The following CCDC175 variants were observed in gnomAD, a reference collection of about 807,000 sequenced individuals.
The protein encoded by CCDC175 is coiled-coil domain containing 175, also known as coiled-coil domain-containing protein 175.
In CCDC175, 100 loss-of-function variants were observed where a neutral mutation model predicts 114.6. The observed-to-expected ratio is 0.87, with a 90% CI of 0.74 to 1.03. The LOEUF is 1.03. Among genes scored for constraint, CCDC175 ranks in the 50% least tolerant of loss-of-function variants. The pLI is 0.00. For synonymous variants in CCDC175, 306 were observed against 308.7 expected (o/e 0.99, Z 0.09); for missense variants, 880 against 917.8 (o/e 0.96, Z 0.53).
chr14:59,520,034 T>G (rs1893332899), intron 17 of CCDC175, among the ~76,000 whole-genome samples: 1 of 152,222 alleles, frequency 6.6e-6, no homozygotes, highest in African/African-American at 2.4e-5. Flanking sequence ...AGCCTTCAAG[T>G]TGCCCTGGCT....
intron 17 of CCDC175, among the ~76,000 whole-genome samples, chr14:59,516,243 T>C (rs1893078402): frequency 6.6e-6 from 1 of 151,878 alleles, no homozygotes; most frequent in Non-Finnish European, 1.5e-5. Context: ...CACCCTAACA[T>C]CACAATTAAA....
rs1595021768 is a variant in CCDC175, at chr14:59,536,636, G to A, written c.1623+1387C>T. On this transcript the variant is annotated intron_variant, in intron 13 of 19. Coordinates refer to ENST00000537690, the MANE Select transcript of CCDC175 (RefSeq NM_001164399.2). Reference sequence around the variant, plus strand: ...CTTCGTTTGTTCCCCGAGTTGCACCGGTTTCTGTTTCACCTCTTCCTATTT... The same window carrying A: ...CTTCGTTTGTTCCCCGAGTTGCACCAGTTTCTGTTTCACCTCTTCCTATTT... Among the ~76,000 whole-genome samples the A allele has an allele frequency of 2.0e-5, 3 of 151,568 alleles. 1 individual carries two copies. Among genetic ancestry groups the A allele is most frequent in the South Asian group, 4.2e-4 (2 of 4,804 alleles).
At position 59,575,017 on chromosome 14, in the gene CCDC175, G is replaced by A. The variant is rs1303200467; in HGVS notation, c.169C>T (p.Gln57Ter). Residue 57 changes from glutamine (Q) to a stop codon, truncating the protein, a stop_gained, in exon 2 of 20, where the codon CAA (glutamine) becomes TAA (stop). Coordinates refer to ENST00000537690, the MANE Select transcript of CCDC175 (RefSeq NM_001164399.2). LOFTEE classifies it high-confidence loss of function. ...TCATTACATTTAAAATAGTCACTTTGCAGTGATTGTTCTGAAAAAAAAATT... is the reference window on the plus strand; with the variant it reads ...TCATTACATTTAAAATAGTCACTTTACAGTGATTGTTCTGAAAAAAAAATT... ...EQLFVVEQSL[Q>*]SDYFKCNEEA... 3.3e-6 allele frequency: 5 copies of A among 1,493,588 alleles called. No homozygotes were observed. Among genetic ancestry groups the A allele is most frequent in the Non-Finnish European group, 4.5e-6 (5 of 1,120,326 alleles). 92.5% of individuals were successfully genotyped at this position (1,493,588 alleles called of 1,614,324 possible). A position where few individuals can be genotyped will look rare whatever the true frequency, so the allele number is the denominator to read the frequency against.
intron 16 of CCDC175, among the ~76,000 whole-genome samples, chr14:59,525,030 T>C (rs1013973216): frequency 6.6e-6 from 1 of 152,224 alleles, no homozygotes; most frequent in East Asian, 1.9e-4. Flanking sequence ...GTACCCTTAG[T>C]GGGGCTGGTT....
rs1191953189 is a variant in CCDC175, at chr14:59,545,299, G to A, written c.1036C>T (p.Leu346=). The change falls in exon 9 of 20, where the codon CTG becomes TTG. Residue 346 remains leucine, a splice_region_variant and synonymous_variant. Transcript: ENST00000537690. ...KNEFLNKIKQ[L]VETLHAARME... ...CGAGCAGCATGCAGTGTTTCAACCA[G>A]CTAGAGAAAAACAAAGGAGGTGAAT... 11 of 1,535,476 alleles carry A rather than the reference G, an allele frequency of 7.2e-6. No individual in the cohort carries two copies. Among genetic ancestry groups the A allele is most frequent in the African/African-American group, 1.4e-5 (1 of 72,978 alleles).
chr14:59,507,889 TC>T (rs1436971047), intron 19 of CCDC175, among the ~76,000 whole-genome samples: 1 of 152,206 alleles, frequency 6.6e-6, no homozygotes, highest in Non-Finnish European at 1.5e-5. Context: ...TGTGACCAAC[TC>T]AGCATTCCGC....
chr14:59,528,499 C>T (rs1161253596), intron 14 of CCDC175, among the ~76,000 whole-genome samples: 1 of 151,748 alleles, frequency 6.6e-6, no homozygotes, highest in Admixed American at 6.6e-5. Context: ...TTTCTACTTA[C>T]TTCGTCATAT....
intron 9 of CCDC175, 133 bp downstream of exon 9, chr14:59,545,030 T>C (rs1055016424): frequency 7.8e-6 from 7 of 901,412 alleles, no homozygotes; most frequent in African/African-American, 6.8e-5. Flanking sequence ...CCAGTAATGA[T>C]AGCAAATGTT....
At chr14:59,544,685 T>C (rs1256166004) in intron 9 of CCDC175, among the ~76,000 whole-genome samples, 1 of 152,178 alleles carries the variant, frequency 6.6e-6, no homozygotes, top group African/African-American at 2.4e-5. Flanking sequence ...AAAATTAAAA[T>C]TTAAAGTGCT....
At chr14:59,570,815 C>T (rs1328788087) in intron 3 of CCDC175, among the ~76,000 whole-genome samples, 2 of 152,308 alleles carry the variant, frequency 1.3e-5, no homozygotes, top group East Asian at 3.9e-4. Flanking sequence ...AATCTTGGCT[C>T]ACTGCAACCT....
At position 59,538,786 on chromosome 14, in the gene CCDC175, T is replaced by A; in HGVS notation, c.1410A>T (p.Thr470=). ...CTTGTATTTCAGCTTTTATCTTGGC[T>A]GTCCAACGTGCATGCTTTTTTCTCA... ...ACLRKKHARW[T]AKIKAEIQAI... is the part of the protein sequence containing the mutation. The change falls in exon 12 of 20, where the codon ACA becomes ACT. Residue 470 remains threonine (T), a synonymous_variant. Coordinates refer to ENST00000537690, the MANE Select transcript of CCDC175 (RefSeq NM_001164399.2). 1 of 1,537,080 alleles carries A rather than the reference T, an allele frequency of 6.5e-7. No individual in the cohort carries two copies. The highest frequency in any genetic ancestry group is 8.7e-7 in the Non-Finnish European group (1 of 1,146,742).
chr14:59,526,014 C>T (rs1893713120), intron 15 of CCDC175, among the ~76,000 whole-genome samples: 1 of 152,050 alleles, frequency 6.6e-6, no homozygotes, highest in African/African-American at 2.4e-5. Context: ...GATATATAAA[C>T]AATTGTCCAG....
At chr14:59,538,863 T>G in intron 11 of CCDC175, 23 bp from the exon 12 acceptor site, 1 of 1,515,622 alleles carries the variant, frequency 6.6e-7, no homozygotes, top group Non-Finnish European at 8.8e-7. Flanking sequence ...GCAAAAAGAA[T>G]TGCCATTAAA....
rs756691421 is a variant in CCDC175, at chr14:59,563,837, C to T, written c.743G>A (p.Arg248His). Residue 248 changes from arginine (R) to histidine (H), a missense_variant, in exon 6 of 20, where the codon CGT becomes CAT. Physicochemically the swap from Arg to His is conservative, Grantham distance 29 (BLOSUM62 0). Coordinates refer to ENST00000537690, the MANE Select transcript of CCDC175 (RefSeq NM_001164399.2). ...ATAAGTCTCCATTCTCTTTACTTCA[C>T]GGGTATTTTCAAATTCATTAATCTA... is the stretch of plus-strand genomic sequence containing the variant. Reference protein sequence around the residue: ...TAQINEFENTREVKRMETYQK... With the variant: ...TAQINEFENTHEVKRMETYQK... 11 of 1,435,384 alleles carry T rather than the reference C, an allele frequency of 7.7e-6. No individual in the cohort carries two copies. The highest frequency in any genetic ancestry group is 6.0e-5 in the Admixed American group (2 of 33,262). 88.9% of individuals were successfully genotyped at this position (1,435,384 alleles called of 1,614,324 possible).
intron 3 of CCDC175, among the ~76,000 whole-genome samples, chr14:59,572,279 C>A (rs1896885113): frequency 6.6e-6 from 1 of 152,120 alleles, no homozygotes; most frequent in Non-Finnish European, 1.5e-5. Flanking sequence ...CTGACACATA[C>A]AACAGTATGA....
Position 59,565,061 on chromosome 14 carries a change from C to A in CCDC175, c.706G>T (p.Glu236Ter). Residue 236 changes from glutamate to a stop codon, truncating the protein, a stop_gained, in exon 5 of 20, where the codon GAG becomes TAG. Transcript: ENST00000537690. LOFTEE classifies it high-confidence loss of function. ...ERAEYLIRKQ[E>*]LTAQINEFEN... ...ATGCCACTTACCTGTGCAGTCAACT[C>A]TTGTTTTCTTATTAGATATTCTGCC... is the stretch of plus-strand genomic sequence containing the variant. 1 of 1,533,740 alleles carries A rather than the reference C, an allele frequency of 6.5e-7. No homozygotes were observed. Among genetic ancestry groups the A allele is most frequent in the Non-Finnish European group, 8.7e-7 (1 of 1,144,538 alleles).
intron 12 of CCDC175, 72 bp downstream of exon 12, chr14:59,538,633 A>C: frequency 8.4e-7 from 1 of 1,188,994 alleles, no homozygotes; most frequent in African/African-American, 1.5e-5. Flanking sequence ...GATAGGATTT[A>C]ATTAAATATT....
At chr14:59,548,086 T>C (rs1340060489) in intron 8 of CCDC175, among the ~76,000 whole-genome samples, 1 of 152,022 alleles carries the variant, frequency 6.6e-6, no homozygotes, top group Non-Finnish European at 1.5e-5. Flanking sequence ...ATAAAGAAAA[T>C]GTATACATGC....
intron 6 of CCDC175, among the ~76,000 whole-genome samples, chr14:59,562,167 T>C (rs1266379622): frequency 6.6e-6 from 1 of 152,254 alleles, no homozygotes; most frequent in Non-Finnish European, 1.5e-5. Context: ...TAGGGATACA[T>C]GCTGAAGGCC....
Sources: allele counts gnomAD v4.1 joint callset (sites outside exome capture counted in the v4.1 genomes callset), GRCh38; gene constraint gnomAD v4.1.1; transcripts MANE v1.5; gene names NCBI Gene and HGNC (gene_info 2026-07-23, HGNC 2026-07-21).